Variants in MAPK9 observed in about 807,000 individuals in gnomAD.
The protein encoded by MAPK9 is mitogen-activated protein kinase 9.
Under a neutral mutation model 57.1 loss-of-function variants are expected in MAPK9, and 30 were observed. The observed-to-expected ratio is 0.53, with a 90% confidence interval of 0.39 to 0.71. The LOEUF is 0.71. Ranked by LOEUF, MAPK9 falls within the 30% of genes least tolerant of loss-of-function variation. The pLI is 0.00. For missense variants in MAPK9, 362 were observed against 521.0 expected, an observed-to-expected ratio of 0.69 and a Z score of 2.97; for synonymous variants, 155 against 177.0, an observed-to-expected ratio of 0.88 and a Z score of 0.99.
rs909920219 is a variant in MAPK9 at position 180,235,311 on chromosome 5, C to T, written c.*1073G>A. On this transcript the variant is annotated 3_prime_UTR_variant, in exon 12 of 12. Transcript: ENST00000452135. ...GAAAACAGACCAAAGAGGAGTTTAT[C>T]TGCTTTCTTCCAGTGAAGAAAGAAA... is the stretch of plus-strand genomic sequence containing the variant. 6.6e-6 allele frequency: 1 copy of T among 152,212 alleles called. No individual in the cohort carries two copies. Among genetic ancestry groups the T allele is most frequent in the South Asian group, 2.1e-4 (1 of 4,826 alleles). The allele number at this position is 152,212 out of a possible 1,614,324, so 9.4% of individuals were successfully genotyped here.
At chr5:180,280,668 AAG>A (rs1345100642) in intron 1 of MAPK9, 60 bp from the exon 2 acceptor site, 1 of 1,362,578 alleles carries the variant, frequency 7.3e-7, no homozygotes, top group African/African-American at 1.4e-5. Context: ...CAGCTCACGT[AAG>A]AGAGTTCTGA....
At position 180,247,005 on chromosome 5, in the gene MAPK9, C is replaced by G. The variant is rs1581183642; in HGVS notation, c.688+434G>C. The G allele has an allele frequency of 6.0e-6, 1 of 165,782 alleles. No individual in the cohort carries two copies. The highest frequency in any genetic ancestry group is 6.0e-5 in the Admixed American group (1 of 16,736). 10.3% of individuals were successfully genotyped at this position (165,782 alleles called of 1,614,324 possible). On this transcript the variant is annotated intron_variant, in intron 7 of 11. Coordinates refer to ENST00000452135, the MANE Select transcript of MAPK9 (RefSeq NM_002752.5). The surrounding 1 kb of genome is among the most constrained non-coding windows in gnomAD (Gnocchi z 4.5). ...AAAATATTTCAATGCATACCAGTAA[C>G]TAACAAAATAGTACTTAATTAAAGC...
chr5:180,238,565 T>G (rs1581159624), intron 10 of MAPK9, among the ~76,000 whole-genome samples, 162 bp from the exon 11 acceptor site: 1 of 151,716 alleles, frequency 6.6e-6, no homozygotes, highest in African/African-American at 2.4e-5. Context: ...TGGACCAAAA[T>G]ATTCATATTT....
chr5:180,247,217 C>T lies in MAPK9; in HGVS notation c.688+222G>A, dbSNP rs1444615682. On this transcript the variant is annotated intron_variant, in intron 7 of 11. Transcript: ENST00000452135. The surrounding 1 kb of genome is among the most constrained non-coding windows in gnomAD (Gnocchi z 4.5). ...CTAATATAATCGGTTTAACTGAACT[C>T]TAAGTCTCAAAGTCATCACAGGTAG... is the stretch of plus-strand genomic sequence containing the variant. The T allele has an allele frequency of 1.9e-5, 11 of 578,286 alleles. No individual in the cohort carries two copies. The highest frequency in any genetic ancestry group is 3.0e-5 in the Non-Finnish European group (10 of 329,426). The allele number at this position is 578,286 out of a possible 1,614,324, so 35.8% of individuals were successfully genotyped here. A position where few individuals can be genotyped will look rare whatever the true frequency, so the allele number is the denominator to read the frequency against.
chr5:180,277,423 T>C (rs1335604102), intron 2 of MAPK9, among the ~76,000 whole-genome samples: 2 of 152,128 alleles, frequency 1.3e-5, no homozygotes, highest in Non-Finnish European at 2.9e-5. Flanking sequence ...TGCCATCACA[T>C]CTCTGACTAT....
At position 180,247,805 on chromosome 5, in the gene MAPK9, C is replaced by A; in HGVS notation, c.617-295G>T. On this transcript the variant is annotated intron_variant, in intron 6 of 11. Transcript: ENST00000452135. This position sits in a 1 kb window ranked among gnomAD's most constrained non-coding sequence, Gnocchi z 4.5. ...GAACACAAAGCTTTTCAGGGCCACA[C>A]GCCCACCCCAGCCTCCATGGCCAAG... is the stretch of plus-strand genomic sequence containing the variant. 1 of 1,572,034 alleles carries A rather than the reference C, an allele frequency of 6.4e-7. No homozygotes were observed. The highest frequency in any genetic ancestry group is 8.8e-7 in the Non-Finnish European group (1 of 1,141,990).
At chr5:180,277,385 T>C (rs1176288180) in intron 2 of MAPK9, among the ~76,000 whole-genome samples, 2 of 152,210 alleles carry the variant, frequency 1.3e-5, no homozygotes, top group African/African-American at 4.8e-5. Flanking sequence ...TGCTTGGCTG[T>C]GGCCCCACAT....
intron 2 of MAPK9, among the ~76,000 whole-genome samples, chr5:180,275,565 C>G (rs1761737499): frequency 6.6e-6 from 1 of 152,208 alleles, no homozygotes; most frequent in Non-Finnish European, 1.5e-5. Flanking sequence ...GGAAAGACAG[C>G]CCCACATGCT....
intron 2 of MAPK9, among the ~76,000 whole-genome samples, chr5:180,270,082 T>C (rs953664590): frequency 5.3e-5 from 8 of 152,296 alleles, no homozygotes; most frequent in African/African-American, 9.6e-5. Context: ...CTCCAGAAAA[T>C]AGACATGAAG....
chr5:180,290,471 GCT>G (rs1763133722), intron 1 of MAPK9, among the ~76,000 whole-genome samples: 1 of 152,178 alleles, frequency 6.6e-6, no homozygotes, highest in Non-Finnish European at 1.5e-5. Flanking sequence ...GGGCTCCTGG[GCT>G]CTCTCGGGAA....
rs760951877 is a variant in MAPK9, at chr5:180,261,862, C to CT, written c.312-41_312-40insA. ...GTCAGTTATTTATTTGAAAATTATC[C>CT]AAAGTTCCTTTATGACTAAATTTCA... On this transcript the variant is annotated intron_variant, in intron 4 of 11. Coordinates refer to ENST00000452135, the MANE Select transcript of MAPK9 (RefSeq NM_002752.5). The CT allele has an allele frequency of 3.9e-6, 6 of 1,555,010 alleles. No individual in the cohort carries two copies. The African/African-American group carries it at 8.2e-5, about 21-fold the overall frequency.
chr5:180,254,895 G>A (rs1282547438), intron 5 of MAPK9, among the ~76,000 whole-genome samples: 8 of 152,132 alleles, frequency 5.3e-5, no homozygotes, highest in Non-Finnish European at 1.2e-4. Context: ...TTAGCTGGGC[G>A]TGGTGGCGGA....
intron 11 of MAPK9, 172 bp downstream of exon 11, chr5:180,238,160 C>T (rs1462477302): frequency 6.4e-6 from 3 of 471,948 alleles, no homozygotes; most frequent in Non-Finnish European, 1.2e-5. Context: ...GTCCCAGCTA[C>T]TCGGGAGGCT....
rs1390264430 is a variant in MAPK9, at chr5:180,235,526, G to C, written c.*858C>G. ...TCTGCCATCATATTTAATTAAGATG[G>C]AGTGTTACGCACCTAATAAAGAAGG... On this transcript the variant is annotated 3_prime_UTR_variant, in exon 12 of 12. Coordinates refer to ENST00000452135, the MANE Select transcript of MAPK9 (RefSeq NM_002752.5). The C allele has an allele frequency of 6.6e-6, 1 of 152,216 alleles. No homozygotes were observed. Among genetic ancestry groups the C allele is most frequent in the East Asian group, 1.9e-4 (1 of 5,190 alleles). 9.4% of individuals were successfully genotyped at this position (152,216 alleles called of 1,614,324 possible).
intron 7 of MAPK9, among the ~76,000 whole-genome samples, chr5:180,244,191 A>G (rs943695957): frequency 6.6e-6 from 1 of 151,926 alleles, no homozygotes; most frequent in Non-Finnish European, 1.5e-5. Flanking sequence ...TCACTCCCAC[A>G]GACTTCCCAG....
rs768904463 is a variant in MAPK9, at chr5:180,247,873, G to C, written c.617-363C>G. 1.9e-6 allele frequency: 3 copies of C among 1,614,160 alleles called. No individual in the cohort carries two copies. In the East Asian group the frequency reaches 6.7e-5, roughly 36 times the overall value. On this transcript the variant is annotated intron_variant, in intron 6 of 11. Transcript: ENST00000452135. The surrounding 1 kb of genome is among the most constrained non-coding windows in gnomAD (Gnocchi z 4.5). ...AGGATACAGTCTCTTCCCGGGAACA[G>C]GACTTTATGGAGGACCATTTCTGCC...
At chr5:180,267,520 C>T (rs1398318421) in intron 3 of MAPK9, among the ~76,000 whole-genome samples, 2 of 147,962 alleles carry the variant, frequency 1.4e-5, no homozygotes, top group East Asian at 2.0e-4. Flanking sequence ...TGAGATCGCG[C>T]CACTGCCCTC....
intron 10 of MAPK9, among the ~76,000 whole-genome samples, chr5:180,238,608 CTTT>C (rs746336177): frequency 5.4e-4 from 46 of 85,146 alleles, no homozygotes; most frequent in Middle Eastern, 5.9e-3. Flanking sequence ...TCTTCTTCTT[CTTT>C]TTTTTTTTTT....
At position 180,235,202 on chromosome 5, in the gene MAPK9, T is replaced by C. The variant is rs1757091173; in HGVS notation, c.*1182A>G. The C allele has an allele frequency of 6.6e-6, 1 of 152,208 alleles. No individual in the cohort carries two copies. The highest frequency in any genetic ancestry group is 2.4e-5 in the African/African-American group (1 of 41,452). 9.4% of individuals were successfully genotyped at this position (152,208 alleles called of 1,614,324 possible). A position where few individuals can be genotyped will look rare whatever the true frequency, so the allele number is the denominator to read the frequency against. On this transcript the variant is annotated 3_prime_UTR_variant, in exon 12 of 12. Coordinates refer to ENST00000452135, the MANE Select transcript of MAPK9 (RefSeq NM_002752.5). ...TTTCCTTCACGTCCTCTGAAGAGTTTCCCAGAACATTCTTGTGAAAAGGAA... is the reference window on the plus strand; with the variant it reads ...TTTCCTTCACGTCCTCTGAAGAGTTCCCCAGAACATTCTTGTGAAAAGGAA...
Sources: allele counts gnomAD v4.1 joint callset (sites outside exome capture counted in the v4.1 genomes callset), GRCh38; gene constraint gnomAD v4.1.1; non-coding constraint Gnocchi (gnomAD v3.1); transcripts MANE v1.5; gene names NCBI Gene and HGNC (gene_info 2026-07-23, HGNC 2026-07-21).